Variants in MCMDC2 observed in about 807,000 individuals in gnomAD.
The protein encoded by MCMDC2 is minichromosome maintenance domain-containing protein 2.
MCMDC2 carries 54 observed loss-of-function variants against 75.8 expected under a neutral mutation model. The observed-to-expected ratio is 0.71, with a 90% confidence interval of 0.57 to 0.89. The LOEUF is 0.89. Among genes scored for constraint, MCMDC2 ranks in the 40% least tolerant of loss-of-function variants. The probability of loss-of-function intolerance (pLI) is 0.00; values close to 1 mark genes in which losing one functional copy is unlikely to be tolerated. For synonymous variants in MCMDC2, 249 were observed against 274.6 expected (o/e 0.91, Z 0.92); for missense variants, 656 against 780.4 (o/e 0.84, Z 1.90).
Position 66,884,013 on chromosome 8 carries a change from T to A in MCMDC2, c.1073+19T>A. 6.7e-7 allele frequency: 1 copy of A among 1,481,782 alleles called. No individual in the cohort carries two copies. Among genetic ancestry groups the A allele is most frequent in the Non-Finnish European group, 9.4e-7 (1 of 1,062,416 alleles). The allele number at this position is 1,481,782 out of a possible 1,614,324, so 91.8% of individuals were successfully genotyped here. ...TAGACAGGTATATATGTGACATGAA[T>A]TTTTACAAATATTAATTGGTCACAG... On this transcript the variant is annotated intron_variant, in intron 9 of 14. Coordinates refer to ENST00000422365, the MANE Select transcript of MCMDC2 (RefSeq NM_173518.5).
chr8:66,905,245 C>A lies in MCMDC2; in HGVS notation c.1789C>A (p.His597Asn). 1 of 1,465,634 alleles carries A rather than the reference C, an allele frequency of 6.8e-7. No individual in the cohort carries two copies. The highest frequency in any genetic ancestry group is 9.0e-7 in the Non-Finnish European group (1 of 1,105,960). The allele number at this position is 1,465,634 out of a possible 1,614,324, so 90.8% of individuals were successfully genotyped here. A position where few individuals can be genotyped will look rare whatever the true frequency, so the allele number is the denominator to read the frequency against. ...TTTTAGCGTTTTCCTATCTGAAGCC[C>A]ATGCACGACTGAACTTAAGGAACAA... is the stretch of plus-strand genomic sequence containing the variant. Reference protein sequence around the residue: ...LKYLVFLSEAHARLNLRNKVL... With the variant: ...LKYLVFLSEANARLNLRNKVL... The change falls in exon 14 of 15, where the codon CAT becomes AAT. Residue 597 changes from histidine (H) to asparagine (N), a missense_variant. Transcript: ENST00000422365.
chr8:66,872,022 A>G (rs1585840139), intron 1 of MCMDC2, among the ~76,000 whole-genome samples: 1 of 152,316 alleles, frequency 6.6e-6, no homozygotes. Flanking sequence ...TTAATTACCA[A>G]TAGTCGCCCT....
intron 14 of MCMDC2, 103 bp from the exon 15 acceptor site, chr8:66,918,900 A>T: frequency 1.9e-6 from 2 of 1,065,318 alleles, no homozygotes; most frequent in Non-Finnish European, 1.3e-6. Flanking sequence ...GCTCAGACTT[A>T]ATTTTTAAGA....
chr8:66,885,896 C>T (rs1357488025), intron 9 of MCMDC2, among the ~76,000 whole-genome samples: 2 of 152,264 alleles, frequency 1.3e-5, no homozygotes, highest in East Asian at 3.9e-4. Context: ...CTCTCTTACT[C>T]AACAAAATAT....
At chr8:66,882,822 G>T (rs1040970303) in intron 8 of MCMDC2, among the ~76,000 whole-genome samples, 2 of 152,194 alleles carry the variant, frequency 1.3e-5, no homozygotes, top group African/African-American at 4.8e-5. Flanking sequence ...AAGCACTGAT[G>T]AATTATAGAG....
rs375423867 is a variant in MCMDC2, at chr8:66,878,567, C to G, written c.482-7C>G. 2 of 1,569,042 alleles carry G rather than the reference C, an allele frequency of 1.3e-6. No homozygotes were observed. Among genetic ancestry groups the G allele is most frequent in the Non-Finnish European group, 1.7e-6 (2 of 1,162,648 alleles). ...AGCAAATGTATGTTACCACTGTTTT[C>G]TTTCAGGATTTCAGTATATAAGAGT... On this transcript the variant is annotated splice_polypyrimidine_tract_variant and splice_region_variant and intron_variant, in intron 5 of 14. Coordinates refer to ENST00000422365, the MANE Select transcript of MCMDC2 (RefSeq NM_173518.5).
At chr8:66,890,677 T>C (rs963123674) in intron 9 of MCMDC2, among the ~76,000 whole-genome samples, 188 bp from the exon 10 acceptor site, 4 of 152,154 alleles carry the variant, frequency 2.6e-5, no homozygotes, top group Non-Finnish European at 4.4e-5. Context: ...TGCACTAGCA[T>C]GTCTGGCTAA....
At chr8:66,912,693 C>T (rs1294456241) in intron 14 of MCMDC2, among the ~76,000 whole-genome samples, 1 of 152,084 alleles carries the variant, frequency 6.6e-6, no homozygotes, top group East Asian at 1.9e-4. Flanking sequence ...GAACAGAAAA[C>T]CAAACACCAC....
chr8:66,893,711 C>A (rs1409182554), intron 10 of MCMDC2, among the ~76,000 whole-genome samples: 1 of 152,152 alleles, frequency 6.6e-6, no homozygotes, highest in Non-Finnish European at 1.5e-5. Context: ...CAGAGCCAAC[C>A]CATATCAGAG....
rs537152730 is a variant in MCMDC2 at position 66,874,133 on chromosome 8, A to G, written c.-8A>G. ...GTTTAATCAATTAGAAATATTAACC[A>G]GGAGAAAATGTCAAATCTAAAAATG... On this transcript the variant is annotated 5_prime_UTR_variant, in exon 2 of 15. Coordinates refer to ENST00000422365, the MANE Select transcript of MCMDC2 (RefSeq NM_173518.5). 1.3e-6 allele frequency: 2 copies of G among 1,580,040 alleles called. No individual in the cohort carries two copies. Among genetic ancestry groups the G allele is most frequent in the East Asian group, 2.3e-5 (1 of 44,436 alleles).
At chr8:66,885,287 C>T (rs1222641479) in intron 9 of MCMDC2, among the ~76,000 whole-genome samples, 2 of 150,682 alleles carry the variant, frequency 1.3e-5, no homozygotes, top group Non-Finnish European at 1.5e-5. Flanking sequence ...GAGCCGAGAT[C>T]GCACCACTGC....
intron 8 of MCMDC2, among the ~76,000 whole-genome samples, chr8:66,881,278 A>T (rs1047150348): frequency 2.6e-5 from 4 of 152,244 alleles, no homozygotes; most frequent in African/African-American, 9.6e-5. Context: ...AATTTTTTAA[A>T]TAATTAATAA....
At chr8:66,879,462 G>A (rs1264465448) in intron 7 of MCMDC2, among the ~76,000 whole-genome samples, 2 of 151,878 alleles carry the variant, frequency 1.3e-5, no homozygotes, top group African/African-American at 2.4e-5. Flanking sequence ...GTGTGGTGAC[G>A]GATGCCTGTA....
downstream of MCMDC2, chr8:66,922,452 T>C (rs755846622): frequency 3.9e-6 from 2 of 514,350 alleles, no homozygotes; most frequent in East Asian, 1.1e-4. Flanking sequence ...TGTCAGTAAT[T>C]AATCAATGTA....
intron 12 of MCMDC2, among the ~76,000 whole-genome samples, chr8:66,900,857 C>G (rs10086905): frequency 6.6e-6 from 1 of 152,048 alleles, no homozygotes; most frequent in Non-Finnish European, 1.5e-5. Flanking sequence ...GAGAAACTTA[C>G]GAGGAAAAAA....
At chr8:66,899,347 A>C (rs1224258995) in intron 12 of MCMDC2, among the ~76,000 whole-genome samples, 2 of 152,190 alleles carry the variant, frequency 1.3e-5, no homozygotes, top group Non-Finnish European at 2.9e-5. Flanking sequence ...GCTCATCATC[A>C]TGCCATCTTA....
Position 66,874,357 on chromosome 8 carries a change from C to G in MCMDC2, c.126C>G (p.Phe42Leu), listed in dbSNP as rs762494087. 1 of 1,612,682 alleles carries G rather than the reference C, an allele frequency of 6.2e-7. No individual in the cohort carries two copies. The highest frequency in any genetic ancestry group is 8.5e-7 in the Non-Finnish European group (1 of 1,179,652). The part of the protein sequence containing the change: ...DSKQSYAVYR[F>L]KILINPSDVV... Reference sequence around the variant, plus strand: ...AACAAAGCTATGCTGTCTATCGATTCAAAATTTTAATAAATCCCTCTGATG... The same window carrying G: ...AACAAAGCTATGCTGTCTATCGATTGAAAATTTTAATAAATCCCTCTGATG... The change falls in exon 3 of 15, where the codon TTC (phenylalanine) becomes TTG (leucine). Residue 42 changes from phenylalanine (F) to leucine (L), a missense_variant. By Grantham distance (22) the Phe-to-Leu change is conservative. Transcript: ENST00000422365.
rs1382188252 is a variant in MCMDC2 at position 66,874,525 on chromosome 8, A to C, written c.226-2A>C. ...GGTAACTTTTTTTGTTTGAAATCAC[A>C]GGTCTGTTTTATTGCTGTTAAGACT... On this transcript the variant is annotated splice_acceptor_variant, in intron 3 of 14. Coordinates refer to ENST00000422365, the MANE Select transcript of MCMDC2 (RefSeq NM_173518.5). LOFTEE classifies it high-confidence loss of function. The C allele has an allele frequency of 9.3e-6, 15 of 1,612,874 alleles. No homozygotes were observed. The highest frequency in any genetic ancestry group is 1.3e-5 in the Non-Finnish European group (15 of 1,179,704).
At chr8:66,910,646 C>T (rs1006249961) in intron 14 of MCMDC2, among the ~76,000 whole-genome samples, 1 of 152,106 alleles carries the variant, frequency 6.6e-6, no homozygotes, top group African/African-American at 2.4e-5. Flanking sequence ...TCTGTCTCTA[C>T]TAAAAATACA....
Sources: allele counts gnomAD v4.1 joint callset (sites outside exome capture counted in the v4.1 genomes callset), GRCh38; gene constraint gnomAD v4.1.1; transcripts MANE v1.5; gene names NCBI Gene and HGNC (gene_info 2026-07-23, HGNC 2026-07-21).